CERS3: variants seen among roughly 807,000 people sequenced by gnomAD.
The protein encoded by CERS3 is ceramide synthase 3.
CERS3 carries 33 observed loss-of-function variants against 50.3 expected under a neutral mutation model. The observed-to-expected ratio is 0.66, with a 90% CI of 0.50 to 0.88. CERS3 has a LOEUF of 0.88. Among genes scored for constraint, CERS3 ranks in the 40% least tolerant of loss-of-function variants. CERS3 has a pLI of 0.00. For missense variants in CERS3, 470 were observed against 460.3 expected (o/e 1.02, Z -0.19); for synonymous variants, 176 against 155.2 (o/e 1.13, Z -0.99).
At chr15:100,467,192 C>A (rs1158938359) in intron 10 of CERS3, among the ~76,000 whole-genome samples, 1 of 152,014 alleles carries the variant, frequency 6.6e-6, no homozygotes, top group Non-Finnish European at 1.5e-5. Context: ...GTGTTGAGGA[C>A]TCTAGACACT....
At chr15:100,472,099 A>T (rs926996810) in intron 9 of CERS3, among the ~76,000 whole-genome samples, 1 of 152,256 alleles carries the variant, frequency 6.6e-6, no homozygotes, top group African/African-American at 2.4e-5. Context: ...AATTTCTTCC[A>T]TAGCAACCTG....
intron 4 of CERS3, 40 bp downstream of exon 4, chr15:100,490,777 A>G (rs1176577119): frequency 8.0e-7 from 1 of 1,247,238 alleles, no homozygotes; most frequent in Admixed American, 1.7e-5. Flanking sequence ...CCATTAAGAA[A>G]GAAGATTTTT....
At chr15:100,481,097 G>A (rs774204019) in intron 5 of CERS3, among the ~76,000 whole-genome samples, 12 of 152,070 alleles carry the variant, frequency 7.9e-5, no homozygotes, top group Non-Finnish European at 1.3e-4. Context: ...TGCTTTCCTT[G>A]ACACACCTGT....
intron 10 of CERS3, among the ~76,000 whole-genome samples, chr15:100,463,190 A>C (rs940804534): frequency 7.2e-5 from 11 of 152,070 alleles, no homozygotes; most frequent in African/African-American, 2.4e-4. Context: ...ATTATTTCTA[A>C]AATTGGGAGG....
At chr15:100,418,302 G>A (rs145659517) in intron 11 of CERS3, among the ~76,000 whole-genome samples, 77,705 of 151,308 alleles carry the variant, frequency 0.51, 20,557 homozygotes, top group Middle Eastern at 0.59. Flanking sequence ...CTCAGAAGCC[G>A]ATGCGATCAA....
chr15:100,443,196 C>T (rs1478195831), intron 11 of CERS3, among the ~76,000 whole-genome samples: 1 of 150,814 alleles, frequency 6.6e-6, no homozygotes, highest in African/African-American at 2.4e-5. Context: ...GTATAAGATA[C>T]CTCTACTCCC....
chr15:100,506,667 C>T (rs1432281745), intron 2 of CERS3, among the ~76,000 whole-genome samples: 1 of 152,124 alleles, frequency 6.6e-6, no homozygotes, highest in African/African-American at 2.4e-5. Context: ...AAAGATGATG[C>T]TAAGTGGCCA....
At chr15:100,458,076 AT>A (rs1416655613) in intron 10 of CERS3, among the ~76,000 whole-genome samples, 1 of 152,214 alleles carries the variant, frequency 6.6e-6, no homozygotes, top group Non-Finnish European at 1.5e-5. Flanking sequence ...TTGCCAAATT[AT>A]TTTCCTAAAT....
chr15:100,477,917 A>C (rs567749617), intron 7 of CERS3, among the ~76,000 whole-genome samples: 2 of 152,244 alleles, frequency 1.3e-5, no homozygotes, highest in African/African-American at 2.4e-5. Context: ...CAAGGATTAA[A>C]GGTGATCTGC....
At chr15:100,437,097 C>A (rs767595185) in intron 11 of CERS3, among the ~76,000 whole-genome samples, 1 of 152,076 alleles carries the variant, frequency 6.6e-6, no homozygotes, top group Non-Finnish European at 1.5e-5. Context: ...GTGCGCTCCA[C>A]CATGCCCGGC....
At chr15:100,471,948 T>C (rs1353446959) in intron 9 of CERS3, among the ~76,000 whole-genome samples, 1 of 152,196 alleles carries the variant, frequency 6.6e-6, no homozygotes, top group African/African-American at 2.4e-5. Flanking sequence ...TAAGAGGGTA[T>C]TTGAAAAAGC....
chr15:100,441,292 C>T (rs1458322254), intron 11 of CERS3, among the ~76,000 whole-genome samples: 1 of 150,728 alleles, frequency 6.6e-6, no homozygotes, highest in Non-Finnish European at 1.5e-5. Context: ...GCGCCCTGAT[C>T]CCTTATTTCT....
chr15:100,531,194 A>G (rs1325288173), upstream of CERS3, among the ~76,000 whole-genome samples: 2 of 152,272 alleles, frequency 1.3e-5, no homozygotes, highest in African/African-American at 4.8e-5. Flanking sequence ...CTGATAAAAT[A>G]TAATGTTCAA....
chr15:100,471,331 T>A (rs1034018679), intron 9 of CERS3, among the ~76,000 whole-genome samples: 3 of 152,162 alleles, frequency 2.0e-5, no homozygotes, highest in African/African-American at 7.2e-5. Flanking sequence ...AATTCTCATG[T>A]TACAGCTGGG....
rs571223443 is a variant in CERS3, at chr15:100,433,194, C to A, written c.999+22699G>T. On this transcript the variant is annotated intron_variant, in intron 11 of 11. Coordinates refer to ENST00000679737, the MANE Select transcript of CERS3 (RefSeq NM_001378789.1). ...GAGGTTGCAGCGAGCTGAGATCGCACTGCTGCACTCTGGCCTGGGCAATAG... is the reference window on the plus strand; with the variant it reads ...GAGGTTGCAGCGAGCTGAGATCGCAATGCTGCACTCTGGCCTGGGCAATAG... 2.7e-5 allele frequency among the ~76,000 whole-genome samples: 4 copies of A among 150,530 alleles called. No homozygotes were observed. The East Asian group carries it at 7.8e-4, about 29-fold the overall frequency.
chr15:100,507,591 G>C (rs2036221841), intron 2 of CERS3, among the ~76,000 whole-genome samples: 1 of 152,210 alleles, frequency 6.6e-6, no homozygotes. Flanking sequence ...TAGTGTACTG[G>C]ACATGTCATT....
In CERS3 at chr15:100,469,243, T is replaced by C. The variant is rs939273054; in HGVS notation, c.845+135A>G. The C allele has an allele frequency of 1.4e-5, 9 of 641,836 alleles. No individual in the cohort carries two copies. In the African/African-American group the frequency reaches 1.6e-4, roughly 12 times the overall value. The allele number at this position is 641,836 out of a possible 1,614,324, so 39.8% of individuals were successfully genotyped here. On this transcript the variant is annotated intron_variant, in intron 10 of 11. Coordinates refer to ENST00000679737, the MANE Select transcript of CERS3 (RefSeq NM_001378789.1). ...TATTTATAAAAATGGCTCCATCACA[T>C]TCTTTTCTCCAACTGCACTTGACAC...
At chr15:100,445,229 A>G (rs1428066410) in intron 11 of CERS3, among the ~76,000 whole-genome samples, 1 of 136,372 alleles carries the variant, frequency 7.3e-6, no homozygotes, top group African/African-American at 2.7e-5. Flanking sequence ...GCCCCAAAAA[A>G]CTTGTCATCC....
intron 3 of CERS3, among the ~76,000 whole-genome samples, chr15:100,499,215 C>T (rs1276423686): frequency 6.6e-6 from 1 of 152,180 alleles, no homozygotes; most frequent in African/African-American, 2.4e-5. Flanking sequence ...ATGATTTACT[C>T]TGAGACAATG....
Sources: gnomAD v4.1 joint callset for allele counts (sites outside exome capture counted in the v4.1 genomes callset) on GRCh38, gnomAD v4.1.1 for gene constraint, MANE v1.5 for transcripts, NCBI Gene and HGNC (gene_info 2026-07-23, HGNC 2026-07-21) for gene names.